Variants in SLC29A4 observed in about 807,000 individuals in gnomAD.
SLC29A4 encodes the protein equilibrative nucleoside transporter 4.
A neutral mutation model predicts 43.9 loss-of-function variants in SLC29A4; 36 were observed. The ratio of observed to expected loss-of-function variants is 0.82; its 90% CI spans 0.63 to 1.08. SLC29A4 has a LOEUF of 1.08. Ranked by LOEUF, SLC29A4 falls within the 50% of genes least tolerant of loss-of-function variation. SLC29A4 has a pLI of 0.00. For synonymous variants in SLC29A4, 491 were observed against 338.0 expected (o/e 1.45, Z -4.97); for missense variants, 869 against 755.3 (o/e 1.15, Z -1.77).
intron 6 of SLC29A4, among the ~76,000 whole-genome samples, chr7:5,296,194 G>A (rs1282281913): frequency 6.6e-6 from 1 of 152,062 alleles, no homozygotes; most frequent in Non-Finnish European, 1.5e-5. Flanking sequence ...CGGGACAGGG[G>A]CCCTCTAACT....
intron 7 of SLC29A4, among the ~76,000 whole-genome samples, chr7:5,297,415 C>G (rs1369325550): frequency 6.6e-6 from 1 of 152,244 alleles, no homozygotes; most frequent in Non-Finnish European, 1.5e-5. Context: ...TAAGGCCCCA[C>G]TCCACCCGCA....
At position 5,299,068 on chromosome 7, in the gene SLC29A4, C is replaced by T. The variant is rs775101109; in HGVS notation, c.963C>T (p.Ala321=). The change falls in exon 8 of 11, where the codon GCC becomes GCT. Residue 321 remains alanine, a synonymous_variant. Coordinates refer to ENST00000396872, the MANE Select transcript of SLC29A4 (RefSeq NM_153247.4). ...PAHEVTGSGG[A]YMRFDVPRPR... is the part of the protein sequence containing the mutation. ...ACGAGGTGACCGGCAGCGGCGGGGC[C>T]TACATGCGCTTTGATGTGCCGCGGC... 1 of 1,611,128 alleles carries T rather than the reference C, an allele frequency of 6.2e-7. No homozygotes were observed. The highest frequency in any genetic ancestry group is 8.5e-7 in the Non-Finnish European group (1 of 1,179,608).
intron 6 of SLC29A4, among the ~76,000 whole-genome samples, chr7:5,295,476 C>T (rs1477769112): frequency 6.6e-6 from 1 of 152,186 alleles, no homozygotes; most frequent in Non-Finnish European, 1.5e-5. Context: ...CACGCCTGAA[C>T]CTTACATGAC....
intron 6 of SLC29A4, 33 bp downstream of exon 6, chr7:5,294,967 G>A (rs1018374905): frequency 3.8e-6 from 6 of 1,576,570 alleles, no homozygotes; most frequent in African/African-American, 2.7e-5. Flanking sequence ...GGGAGGGGGT[G>A]CTGGGCTGCC....
intron 5 of SLC29A4, 110 bp from the exon 6 acceptor site, chr7:5,294,750 T>G: frequency 9.5e-7 from 1 of 1,057,468 alleles, no homozygotes; most frequent in Non-Finnish European, 1.5e-6. Context: ...TTAGTGGTGT[T>G]AACGGCTGTT....
chr7:5,285,446 G>A (rs985037427), intron 1 of SLC29A4, among the ~76,000 whole-genome samples: 2 of 152,228 alleles, frequency 1.3e-5, no homozygotes, highest in Admixed American at 1.3e-4. Context: ...AGCTGTCAGG[G>A]GCTGAATCTC....
chr7:5,287,693 G>A (rs931510061), intron 1 of SLC29A4, 116 bp from the exon 2 acceptor site: 31 of 1,076,520 alleles, frequency 2.9e-5, no homozygotes, highest in African/African-American at 1.6e-4. Context: ...TTTGGCCAAC[G>A]AGTGTGACCA....
chr7:5,300,919 C>T (rs561227673), intron 10 of SLC29A4, among the ~76,000 whole-genome samples: 12 of 152,270 alleles, frequency 7.9e-5, no homozygotes, highest in South Asian at 4.1e-4. Flanking sequence ...GACACAGTGG[C>T]GACAAAACGG....
intron 10 of SLC29A4, among the ~76,000 whole-genome samples, chr7:5,301,040 C>T (rs1162626081): frequency 6.6e-6 from 1 of 152,154 alleles, no homozygotes; most frequent in African/African-American, 2.4e-5. Flanking sequence ...GGGTGGATCA[C>T]TTGAGCCCAG....
chr7:5,300,714 C>A (rs779001222), intron 10 of SLC29A4, 52 bp downstream of exon 10: 14 of 1,581,946 alleles, frequency 8.8e-6, no homozygotes, highest in South Asian at 2.2e-5. Context: ...AGCGCAATGC[C>A]CCCCTCGCGA....
chr7:5,283,328 C>A (rs1262358480), intron 1 of SLC29A4, among the ~76,000 whole-genome samples: 13 of 151,346 alleles, frequency 8.6e-5, no homozygotes, highest in African/African-American at 2.9e-4. Context: ...TCGGCGCCAC[C>A]GCCTCCCTGA....
chr7:5,293,019 A>AT (rs953532834), intron 5 of SLC29A4, among the ~76,000 whole-genome samples: 181 of 140,042 alleles, frequency 1.3e-3, no homozygotes, highest in African/African-American at 3.8e-3. Context: ...TCTTTATAGC[A>AT]TTTTTTTTTT....
intron 5 of SLC29A4, among the ~76,000 whole-genome samples, chr7:5,294,067 C>A (rs1435734686): frequency 1.3e-5 from 2 of 151,768 alleles, no homozygotes; most frequent in Non-Finnish European, 2.9e-5. Flanking sequence ...GATCGCACCA[C>A]TGCACTCCAG....
At chr7:5,296,761 C>T (rs1785700028) in intron 6 of SLC29A4, among the ~76,000 whole-genome samples, 175 bp from the exon 7 acceptor site, 1 of 119,458 alleles carries the variant, frequency 8.4e-6, no homozygotes, top group Admixed American at 8.3e-5. Context: ...TGGGCGGGGC[C>T]TGTGGGTGGG....
intron 2 of SLC29A4, among the ~76,000 whole-genome samples, 195 bp downstream of exon 2, chr7:5,288,180 G>T (rs906180304): frequency 1.3e-5 from 2 of 152,120 alleles, no homozygotes; most frequent in Non-Finnish European, 2.9e-5. Context: ...GATGCTGCAT[G>T]TCCCTGCTGG....
At chr7:5,285,481 G>A (rs1784890374) in intron 1 of SLC29A4, among the ~76,000 whole-genome samples, 3 of 152,360 alleles carry the variant, frequency 2.0e-5, no homozygotes, top group South Asian at 4.1e-4. Flanking sequence ...CCTGGAAATG[G>A]GAAGGCTCTG....
intron 1 of SLC29A4, among the ~76,000 whole-genome samples, chr7:5,285,069 T>C (rs1784866178): frequency 6.6e-6 from 1 of 152,168 alleles, no homozygotes; most frequent in African/African-American, 2.4e-5. Flanking sequence ...CACCATCCCC[T>C]TTCCTGGCTC....
Position 5,287,895 on chromosome 7 carries a change from A to G in SLC29A4, c.79A>G (p.Thr27Ala). Reference sequence around the variant, plus strand: ...AGACCCGGGCGTAGTGATGAGCTTCACCTTCGACAGTCACCAGCTGGAGGA... The same window carrying G: ...AGACCCGGGCGTAGTGATGAGCTTCGCCTTCGACAGTCACCAGCTGGAGGA... The part of the protein sequence containing the change: ...TPDPGVVMSF[T>A]FDSHQLEEAA... Residue 27 changes from threonine to alanine, a missense_variant, in exon 2 of 11, where the codon ACC becomes GCC. Thr to Ala is a moderately conservative substitution (Grantham distance 58, BLOSUM62 0). Coordinates refer to ENST00000396872, the MANE Select transcript of SLC29A4 (RefSeq NM_153247.4). 2 of 1,611,996 alleles carry G rather than the reference A, an allele frequency of 1.2e-6. No individual in the cohort carries two copies. The highest frequency in any genetic ancestry group is 2.2e-5 in the South Asian group (2 of 91,004).
At chr7:5,286,971 C>T (rs545571178) in intron 1 of SLC29A4, among the ~76,000 whole-genome samples, 1 of 152,232 alleles carries the variant, frequency 6.6e-6, no homozygotes, top group Admixed American at 6.5e-5. Flanking sequence ...CATCGTACCG[C>T]CAAAGTATTC....
Sources: gnomAD v4.1 joint callset for allele counts (sites outside exome capture counted in the v4.1 genomes callset) on GRCh38, gnomAD v4.1.1 for gene constraint, MANE v1.5 for transcripts, NCBI Gene and HGNC (gene_info 2026-07-23, HGNC 2026-07-21) for gene names.